The following CNTN5 variants were observed in gnomAD, a reference collection of about 807,000 sequenced individuals.
The protein encoded by CNTN5 is contactin-5.
Under a neutral mutation model 129.1 loss-of-function variants are expected in CNTN5, and 77 were observed. That is an observed-to-expected ratio of 0.60 (90% CI 0.50 to 0.72). The LOEUF is 0.72. CNTN5 is among the 30% of genes least tolerant of loss of function. CNTN5 has a pLI of 0.00. For missense variants in CNTN5, 1,478 were observed against 1,328.8 expected (o/e 1.11, Z -1.75); for synonymous variants, 509 against 465.6 (o/e 1.09, Z -1.20).
intron 13 of CNTN5, among the ~76,000 whole-genome samples, chr11:100,142,658 G>A (rs186165865): frequency 1.3e-5 from 2 of 152,190 alleles, no homozygotes; most frequent in Admixed American, 1.3e-4. Context: ...GGCATTTTTT[G>A]CTGTTGCTGT....
intron 23 of CNTN5, among the ~76,000 whole-genome samples, chr11:100,341,719 C>A (rs1197939759): frequency 6.6e-6 from 1 of 152,118 alleles, no homozygotes; most frequent in Non-Finnish European, 1.5e-5. Context: ...TGTTCTGTGA[C>A]AGTAAGATCT....
At chr11:99,758,277 C>A (rs958977121) in intron 3 of CNTN5, among the ~76,000 whole-genome samples, 1 of 151,938 alleles carries the variant, frequency 6.6e-6, no homozygotes, top group African/African-American at 2.4e-5. Context: ...TTCAACCAAT[C>A]AACAGCTATT....
At chr11:99,819,856 A>C (rs966467626) in intron 4 of CNTN5, 91 bp downstream of exon 4, 1 of 814,370 alleles carries the variant, frequency 1.2e-6, no homozygotes, top group South Asian at 1.7e-5. Flanking sequence ...AGACTATTCC[A>C]GTAGGAGAGA....
At chr11:99,692,033 G>A (rs1037242555) in intron 3 of CNTN5, among the ~76,000 whole-genome samples, 2 of 152,120 alleles carry the variant, frequency 1.3e-5, no homozygotes, top group African/African-American at 4.8e-5. Context: ...TTGGTTTAGT[G>A]TCTGTATTGT....
At chr11:99,912,618 A>G (rs1316334602) in intron 6 of CNTN5, among the ~76,000 whole-genome samples, 1 of 150,818 alleles carries the variant, frequency 6.6e-6, no homozygotes, top group Non-Finnish European at 1.5e-5. Context: ...AGCTCTTAAT[A>G]ACATCTATTA....
intron 23 of CNTN5, among the ~76,000 whole-genome samples, chr11:100,346,235 A>T (rs534341282): frequency 6.6e-6 from 1 of 152,290 alleles, no homozygotes; most frequent in Non-Finnish European, 1.5e-5. Context: ...CTCTATCTAG[A>T]ATCCTTACTA....
At chr11:99,361,529 T>C (rs1019720299) in intron 2 of CNTN5, among the ~76,000 whole-genome samples, 1 of 152,202 alleles carries the variant, frequency 6.6e-6, no homozygotes, top group South Asian at 2.1e-4. Context: ...CCATTTTAAT[T>C]ATGCAATTGA....
At chr11:100,309,453 A>C in intron 21 of CNTN5, 4 of 969,498 alleles carry the variant, frequency 4.1e-6, no homozygotes, top group Non-Finnish European at 4.9e-6. Flanking sequence ...AGTTACAGCA[A>C]GAACAATTTA....
At chr11:99,997,980 A>C (rs1022073896) in intron 8 of CNTN5, among the ~76,000 whole-genome samples, 1 of 152,188 alleles carries the variant, frequency 6.6e-6, no homozygotes, top group Non-Finnish European at 1.5e-5. Flanking sequence ...ACTCTCAATA[A>C]ATTAGGGATT....
intron 1 of CNTN5, among the ~76,000 whole-genome samples, chr11:99,213,231 ATTT>A (rs35698948): frequency 2.1e-5 from 3 of 144,050 alleles, no homozygotes; most frequent in Admixed American, 7.1e-5. Flanking sequence ...ATATATATAT[ATTT>A]TTTTCTATAT....
intron 9 of CNTN5, among the ~76,000 whole-genome samples, chr11:100,012,393 G>A (rs1940586215): frequency 6.6e-6 from 1 of 152,104 alleles, no homozygotes; most frequent in Admixed American, 6.6e-5. Flanking sequence ...AACTTCCTGT[G>A]ATGTTCTTGA....
At chr11:99,427,899 A>G (rs1195687050) in intron 2 of CNTN5, among the ~76,000 whole-genome samples, 1 of 151,970 alleles carries the variant, frequency 6.6e-6, no homozygotes, top group Non-Finnish European at 1.5e-5. Flanking sequence ...ATCAAACCCA[A>G]TCTCTAGAAA....
At chr11:99,588,851 G>A (rs1410733766) in intron 3 of CNTN5, among the ~76,000 whole-genome samples, 1 of 152,144 alleles carries the variant, frequency 6.6e-6, no homozygotes, top group Non-Finnish European at 1.5e-5. Flanking sequence ...TAAGTAACTG[G>A]AACAAGTTTT....
At chr11:99,994,172 G>A (rs201487142) in intron 8 of CNTN5, among the ~76,000 whole-genome samples, 57,034 of 151,484 alleles carry the variant, frequency 0.38, 12,168 homozygotes, top group African/African-American at 0.59. Context: ...GGCAACAAAA[G>A]AATGTCTTCT....
intron 2 of CNTN5, among the ~76,000 whole-genome samples, chr11:99,542,780 T>C (rs1321201932): frequency 2.0e-5 from 3 of 152,222 alleles, no homozygotes; most frequent in Non-Finnish European, 4.4e-5. Flanking sequence ...CAGGTCCTTG[T>C]ACCACCACCC....
At chr11:99,773,389 C>G (rs1382074824) in intron 3 of CNTN5, among the ~76,000 whole-genome samples, 1 of 151,990 alleles carries the variant, frequency 6.6e-6, no homozygotes, top group Non-Finnish European at 1.5e-5. Flanking sequence ...GCTTAAAGAT[C>G]TTGTTCATAT....
intron 6 of CNTN5, among the ~76,000 whole-genome samples, chr11:99,862,334 A>G (rs1948231806): frequency 6.9e-6 from 1 of 144,700 alleles, no homozygotes; most frequent in Non-Finnish European, 1.5e-5. Context: ...TCGGCCACAA[A>G]GCGATATCCT....
At chr11:99,237,465 G>A (rs988560791) in intron 1 of CNTN5, among the ~76,000 whole-genome samples, 4 of 152,100 alleles carry the variant, frequency 2.6e-5, no homozygotes, top group Admixed American at 6.5e-5. Flanking sequence ...GGCGCATCAC[G>A]AAGTGAGGAG....
At chr11:99,205,284 C>T (rs1859423094) in intron 1 of CNTN5, among the ~76,000 whole-genome samples, 1 of 152,122 alleles carries the variant, frequency 6.6e-6, no homozygotes, top group Non-Finnish European at 1.5e-5. Context: ...TCATATTTCT[C>T]ATATGTTCTT....
Sources: allele counts gnomAD v4.1 joint callset (sites outside exome capture counted in the v4.1 genomes callset), GRCh38; gene constraint gnomAD v4.1.1; transcripts MANE v1.5; gene names NCBI Gene and HGNC (gene_info 2026-07-23, HGNC 2026-07-21).